ADCY10: variants seen among roughly 807,000 people sequenced by gnomAD.
The protein encoded by ADCY10 is adenylate cyclase type 10.
A neutral mutation model predicts 183.3 loss-of-function variants in ADCY10; 156 were observed. The observed-to-expected ratio is 0.85, with a 90% confidence interval of 0.75 to 0.97. The LOEUF is 0.97. ADCY10 is among the 50% of genes least tolerant of loss of function. The pLI is 0.00. For synonymous variants in ADCY10, 645 were observed against 670.0 expected (o/e 0.96, Z 0.58); for missense variants, 1,745 against 1,934.3 (o/e 0.90, Z 1.84).
chr1:167,861,205 A>G (rs1666258502), intron 14 of ADCY10, 142 bp from the exon 15 acceptor site: 2 of 737,634 alleles, frequency 2.7e-6, no homozygotes, highest in South Asian at 3.3e-5. Flanking sequence ...ATGGTTCTTT[A>G]TTGCTGCTTC....
chr1:167,840,993 T>G (rs1393432285), intron 21 of ADCY10, among the ~76,000 whole-genome samples: 2 of 149,702 alleles, frequency 1.3e-5, no homozygotes, highest in Non-Finnish European at 3.0e-5. Context: ...CAGGCTGGAG[T>G]GCAGTGGCGC....
At chr1:167,815,245 G>A (rs536984584) in intron 31 of ADCY10, among the ~76,000 whole-genome samples, 37 of 152,088 alleles carry the variant, frequency 2.4e-4, no homozygotes, top group African/African-American at 8.9e-4. Context: ...AAATATTGGA[G>A]GAAAAAAAAT....
At chr1:167,910,135 T>C (rs570415125) in intron 1 of ADCY10, among the ~76,000 whole-genome samples, 11 of 152,324 alleles carry the variant, frequency 7.2e-5, no homozygotes, top group Admixed American at 3.3e-4. Context: ...AGCCTCTTCC[T>C]TCTTTAACCC....
intron 12 of ADCY10, among the ~76,000 whole-genome samples, chr1:167,875,387 T>C (rs1667380080): frequency 6.6e-6 from 1 of 151,836 alleles, no homozygotes; most frequent in African/African-American, 2.4e-5. Context: ...AGAACTCAGG[T>C]AGCATCTGTT....
rs773297917 is a variant in ADCY10 at position 167,822,023 on chromosome 1, C to A, written c.4286+1G>T. 2 of 1,551,522 alleles carry A rather than the reference C, an allele frequency of 1.3e-6. No homozygotes were observed. The highest frequency in any genetic ancestry group is 2.2e-5 in the South Asian group (2 of 89,750). ...TTTAGTGATATGCCACACATTGTTA[C>A]CAGATAGCTACAGAGGAATAAAGTC... On this transcript the variant is annotated splice_donor_variant, in intron 30 of 32. Transcript: ENST00000367851. LOFTEE classifies it high-confidence loss of function.
At chr1:167,811,462 C>T (rs192974175) in intron 31 of ADCY10, among the ~76,000 whole-genome samples, 18 of 152,300 alleles carry the variant, frequency 1.2e-4, no homozygotes, top group Non-Finnish European at 2.1e-4. Flanking sequence ...TCGTGCACGC[C>T]TGTAGTCCCA....
chr1:167,867,305 GC>G (rs1666775198), intron 14 of ADCY10, among the ~76,000 whole-genome samples: 1 of 152,154 alleles, frequency 6.6e-6, no homozygotes, highest in South Asian at 2.1e-4. Flanking sequence ...ACACCCGGAA[GC>G]TGACTGGTCC....
chr1:167,842,494 T>C (rs976749438), intron 21 of ADCY10, among the ~76,000 whole-genome samples: 1 of 151,946 alleles, frequency 6.6e-6, no homozygotes, highest in Non-Finnish European at 1.5e-5. Context: ...TGCCTAAAGG[T>C]TATACTCCAC....
chr1:167,834,339 T>C (rs2101909017), intron 23 of ADCY10: 1 of 551,896 alleles, frequency 1.8e-6, no homozygotes, highest in Non-Finnish European at 3.3e-6. Context: ...TCCACCTTTC[T>C]TCACACTATC....
intron 6 of ADCY10, among the ~76,000 whole-genome samples, 165 bp downstream of exon 6, chr1:167,899,258 G>T (rs1009076284): frequency 3.3e-5 from 5 of 152,184 alleles, no homozygotes; most frequent in African/African-American, 1.2e-4. Context: ...GCTCCTCCCA[G>T]AGGAGCTGCC....
At position 167,896,653 on chromosome 1, in the gene ADCY10, A is replaced by G; in HGVS notation, c.681T>C (p.Asp227=). The G allele has an allele frequency of 6.2e-7, 1 of 1,613,706 alleles. No individual in the cohort carries two copies. Among genetic ancestry groups the G allele is most frequent in the Non-Finnish European group, 8.5e-7 (1 of 1,179,568 alleles). Residue 227 remains aspartate, a synonymous_variant, in exon 7 of 33, where the codon GAT becomes GAC. Coordinates refer to ENST00000367851, the MANE Select transcript of ADCY10 (RefSeq NM_018417.6). ...FLKPPPNFNF[D]EFFTKCTTFM... ...AGGTCGTACACTTTGTGAAAAATTC[A>G]TCAAAATTAAAATTGGGGGGTGGTT... is the stretch of plus-strand genomic sequence containing the variant.
chr1:167,885,214 AG>A (rs1668140816), intron 8 of ADCY10, among the ~76,000 whole-genome samples: 1 of 152,210 alleles, frequency 6.6e-6, no homozygotes, highest in Admixed American at 6.5e-5. Flanking sequence ...GCTGCTTCCA[AG>A]TCTTGACTAC....
intron 18 of ADCY10, among the ~76,000 whole-genome samples, chr1:167,853,463 A>G (rs1369181944): frequency 6.6e-6 from 1 of 152,182 alleles, no homozygotes; most frequent in African/African-American, 2.4e-5. Flanking sequence ...CACATGTTCA[A>G]GACTTAGAGC....
Position 167,905,065 on chromosome 1 carries a change from A to G in ADCY10, c.76T>C (p.Tyr26His), listed in dbSNP as rs762285064. ...IAAHLPDLIV[Y>H]GHFSPERPFM... ...GGTCGCTCTGGGGAGAAATGTCCAT[A>G]GACAATGAGGTCTGGTAAATGAGCT... Residue 26 changes from tyrosine to histidine, a missense_variant, in exon 2 of 33, where the codon TAT becomes CAT. Coordinates refer to ENST00000367851, the MANE Select transcript of ADCY10 (RefSeq NM_018417.6). 6.2e-7 allele frequency: 1 copy of G among 1,614,244 alleles called. No individual in the cohort carries two copies. The highest frequency in any genetic ancestry group is 8.5e-7 in the Non-Finnish European group (1 of 1,180,040).
chr1:167,817,443 G>A (rs1388838043), intron 31 of ADCY10, among the ~76,000 whole-genome samples: 1 of 152,180 alleles, frequency 6.6e-6, no homozygotes, highest in Non-Finnish European at 1.5e-5. Context: ...CCTGTGCTCA[G>A]TGTTTACAAG....
intron 8 of ADCY10, among the ~76,000 whole-genome samples, chr1:167,889,828 G>T (rs1668476723): frequency 6.6e-6 from 1 of 152,146 alleles, no homozygotes; most frequent in Non-Finnish European, 1.5e-5. Context: ...GCATATAATT[G>T]CTCATAGTAG....
In ADCY10 at chr1:167,880,616, G is replaced by A; in HGVS notation, c.1021-7C>T. On this transcript the variant is annotated splice_region_variant and splice_polypyrimidine_tract_variant and intron_variant, in intron 9 of 32. Transcript: ENST00000367851. ...CACAGAGGAAAGAGCAGCCCTGTGA[G>A]GGAGAGAGACAGCAACCACAGCTGA... is the stretch of plus-strand genomic sequence containing the variant. 1 of 1,598,564 alleles carries A rather than the reference G, an allele frequency of 6.3e-7. No individual in the cohort carries two copies. The highest frequency in any genetic ancestry group is 8.6e-7 in the Non-Finnish European group (1 of 1,165,872).
chr1:167,862,790 A>C (rs1666374697), intron 14 of ADCY10, among the ~76,000 whole-genome samples: 1 of 152,198 alleles, frequency 6.6e-6, no homozygotes, highest in Non-Finnish European at 1.5e-5. Context: ...TACAGCTAAG[A>C]ATATTATAAG....
At chr1:167,830,594 A>C (rs1057399965) in intron 25 of ADCY10, among the ~76,000 whole-genome samples, 1 of 152,126 alleles carries the variant, frequency 6.6e-6, no homozygotes, top group African/African-American at 2.4e-5. Flanking sequence ...GGGTTTCGCC[A>C]TGTTGGCCAG....
Sources: allele counts gnomAD v4.1 joint callset (sites outside exome capture counted in the v4.1 genomes callset), GRCh38; gene constraint gnomAD v4.1.1; transcripts MANE v1.5; gene names NCBI Gene and HGNC (gene_info 2026-07-23, HGNC 2026-07-21).